SNTG1: variants seen among roughly 807,000 people sequenced by gnomAD.
SNTG1 encodes gamma-1-syntrophin.
Under a neutral mutation model 74.7 loss-of-function variants are expected in SNTG1, and 39 were observed. The ratio of observed to expected loss-of-function variants is 0.52; its 90% confidence interval spans 0.40 to 0.68. The LOEUF (loss-of-function observed/expected upper bound fraction) is 0.68, where lower values mean the gene tolerates loss of function less well. Ranked by LOEUF, SNTG1 falls within the 30% of genes least tolerant of loss-of-function variation. The pLI, the probability that SNTG1 is intolerant of heterozygous loss-of-function variation, is 0.00. For synonymous variants in SNTG1, 254 were observed against 217.1 expected, an observed-to-expected ratio of 1.17 and a Z score of -1.49; for missense variants, 685 against 609.5, an observed-to-expected ratio of 1.12 and a Z score of -1.30.
chr8:49,927,806 G>A (rs907443932), intron 1 of SNTG1, among the ~76,000 whole-genome samples: 7 of 152,136 alleles, frequency 4.6e-5, no homozygotes, highest in Admixed American at 3.3e-4. Context: ...AGTACCTAGA[G>A]AGAACCATAA....
chr8:50,161,242 T>C (rs2082406616), intron 1 of SNTG1, among the ~76,000 whole-genome samples: 1 of 152,192 alleles, frequency 6.6e-6, no homozygotes, highest in Non-Finnish European at 1.5e-5. Context: ...GGATTTTATA[T>C]GGAACACTAT....
chr8:50,270,009 T>C (rs1586909223), intron 2 of SNTG1, among the ~76,000 whole-genome samples: 1 of 152,198 alleles, frequency 6.6e-6, no homozygotes, highest in African/African-American at 2.4e-5. Flanking sequence ...TTATCATTCC[T>C]TATGATTGAA....
At chr8:50,376,746 TATATATATATAG>T (rs1490833235) in intron 2 of SNTG1, among the ~76,000 whole-genome samples, 18 of 111,034 alleles carry the variant, frequency 1.6e-4, no homozygotes, top group South Asian at 3.1e-4. Flanking sequence ...TATATATATA[TATATATATATAG>T]AGAGAGAGAG....
At chr8:50,540,568 T>C (rs926148797) in intron 11 of SNTG1, among the ~76,000 whole-genome samples, 5 of 152,198 alleles carry the variant, frequency 3.3e-5, no homozygotes, top group African/African-American at 1.2e-4. Flanking sequence ...CTGTTTATTG[T>C]ATTAGGTTTT....
intron 1 of SNTG1, among the ~76,000 whole-genome samples, chr8:49,918,301 G>A (rs1167017283): frequency 1.3e-5 from 2 of 152,122 alleles, no homozygotes; most frequent in African/African-American, 4.8e-5. Flanking sequence ...ATGAAGATAG[G>A]TCAATAATAT....
chr8:50,329,958 T>C (rs2090900644), intron 2 of SNTG1, among the ~76,000 whole-genome samples: 1 of 152,182 alleles, frequency 6.6e-6, no homozygotes, highest in African/African-American at 2.4e-5. Flanking sequence ...TTGCCACCAG[T>C]CTGTTTGCTA....
chr8:49,930,700 C>T (rs1428428243), intron 1 of SNTG1, among the ~76,000 whole-genome samples: 1 of 152,010 alleles, frequency 6.6e-6, no homozygotes, highest in Non-Finnish European at 1.5e-5. Context: ...TTTTCCACCA[C>T]AGTAAGCACA....
chr8:50,671,088 C>G (rs1471335595), intron 15 of SNTG1, among the ~76,000 whole-genome samples: 1 of 151,674 alleles, frequency 6.6e-6, no homozygotes, highest in Admixed American at 6.6e-5. Flanking sequence ...ACCATAAAAA[C>G]CCTAGAAGAA....
chr8:50,345,980 T>C (rs193200129), intron 2 of SNTG1, among the ~76,000 whole-genome samples: 49 of 152,342 alleles, frequency 3.2e-4, no homozygotes, highest in African/African-American at 1.0e-3. Flanking sequence ...TAGTTATCTC[T>C]ATCGGTATTA....
chr8:50,580,754 T>C (rs112645055), intron 12 of SNTG1, among the ~76,000 whole-genome samples: 2 of 152,152 alleles, frequency 1.3e-5, no homozygotes, highest in South Asian at 2.1e-4. Flanking sequence ...CATGCTTAAC[T>C]GTGAGTCAAT....
At chr8:50,719,542 A>G (rs1005280824) in intron 17 of SNTG1, among the ~76,000 whole-genome samples, 4 of 152,208 alleles carry the variant, frequency 2.6e-5, no homozygotes, top group Non-Finnish European at 4.4e-5. Flanking sequence ...ACAGCCTAAC[A>G]TGCTCTTAGA....
chr8:50,117,730 C>G (rs762773878), intron 1 of SNTG1, among the ~76,000 whole-genome samples: 1 of 152,164 alleles, frequency 6.6e-6, no homozygotes, highest in Non-Finnish European at 1.5e-5. Context: ...CTTATTCTCT[C>G]TGTTACCACT....
At chr8:50,025,880 A>G (rs763140232) in intron 1 of SNTG1, among the ~76,000 whole-genome samples, 2 of 152,174 alleles carry the variant, frequency 1.3e-5, no homozygotes, top group Non-Finnish European at 2.9e-5. Flanking sequence ...TGAAGAAAAT[A>G]CTTCTGTTTC....
At chr8:50,220,741 A>T (rs905615453) in intron 2 of SNTG1, among the ~76,000 whole-genome samples, 1 of 152,164 alleles carries the variant, frequency 6.6e-6, no homozygotes, top group East Asian at 1.9e-4. Flanking sequence ...ACTTGTTTCT[A>T]GTTTTCTTAA....
At chr8:50,016,301 G>A (rs1268329649) in intron 1 of SNTG1, among the ~76,000 whole-genome samples, 4 of 152,064 alleles carry the variant, frequency 2.6e-5, no homozygotes, top group Non-Finnish European at 4.4e-5. Flanking sequence ...AATAAGACAA[G>A]ATGCCATTTC....
chr8:50,756,516 T>C (rs1041058080), intron 18 of SNTG1, among the ~76,000 whole-genome samples: 18 of 151,842 alleles, frequency 1.2e-4, no homozygotes, highest in Admixed American at 3.3e-4. Flanking sequence ...GATCATTTGT[T>C]GAACAGGCTA....
intron 2 of SNTG1, among the ~76,000 whole-genome samples, chr8:50,311,714 A>C (rs1292351845): frequency 6.6e-6 from 1 of 152,234 alleles, no homozygotes; most frequent in Non-Finnish European, 1.5e-5. Context: ...AACAAAGAAA[A>C]CACTTAAGAA....
At chr8:50,489,577 T>G (rs1044711129) in intron 8 of SNTG1, among the ~76,000 whole-genome samples, 1 of 152,128 alleles carries the variant, frequency 6.6e-6, no homozygotes, top group Admixed American at 6.5e-5. Context: ...TGTCTTCTTT[T>G]GAGAAGTGTC....
chr8:50,672,952 C>T (rs976167630), intron 15 of SNTG1, among the ~76,000 whole-genome samples: 13 of 152,148 alleles, frequency 8.5e-5, no homozygotes, highest in African/African-American at 3.1e-4. Context: ...GAATCCTTTT[C>T]CCATGCTTGT....
Sources: gnomAD v4.1 joint callset for allele counts (sites outside exome capture counted in the v4.1 genomes callset) on GRCh38, gnomAD v4.1.1 for gene constraint, MANE v1.5 for transcripts, NCBI Gene and HGNC (gene_info 2026-07-23, HGNC 2026-07-21) for gene names.